The following LRRC28 variants were observed in gnomAD, a reference collection of about 807,000 sequenced individuals.
The protein encoded by LRRC28 is leucine-rich repeat-containing protein 28.
LRRC28 carries 39 observed loss-of-function variants against 45.7 expected under a neutral mutation model. That is an observed-to-expected ratio of 0.85 (90% CI 0.66 to 1.12). LRRC28 has a LOEUF of 1.12. Among genes scored for constraint, LRRC28 ranks in the 50% most tolerant of loss-of-function variants. The pLI, the probability that LRRC28 is intolerant of heterozygous loss-of-function variation, is 0.00. For synonymous variants in LRRC28, 206 were observed against 178.8 expected, an observed-to-expected ratio of 1.15 and a Z score of -1.22; for missense variants, 435 against 438.5, an observed-to-expected ratio of 0.99 and a Z score of 0.07.
intron 2 of LRRC28, chr15:99,258,594 G>T: frequency 5.3e-6 from 4 of 753,818 alleles, no homozygotes; most frequent in Non-Finnish European, 9.6e-6. Context: ...GACTAAAAAA[G>T]TTGAAAAAAC....
rs1194523714 is a variant in LRRC28, at chr15:99,386,752, A to G, written c.*650A>G. 6.6e-6 allele frequency: 1 copy of G among 152,252 alleles called. No individual in the cohort carries two copies. The highest frequency in any genetic ancestry group is 1.9e-4 in the East Asian group (1 of 5,204). The allele number at this position is 152,252 out of a possible 1,614,324, so 9.4% of individuals were successfully genotyped here. A position where few individuals can be genotyped will look rare whatever the true frequency, so the allele number is the denominator to read the frequency against. Reference sequence around the variant, plus strand: ...ACTTTTGTGAGGGATTTTAAAAACAAAAATGTAGATTGTAATGAAATACAC... The same window carrying G: ...ACTTTTGTGAGGGATTTTAAAAACAGAAATGTAGATTGTAATGAAATACAC... On this transcript the variant is annotated 3_prime_UTR_variant, in exon 10 of 10. Coordinates refer to ENST00000301981, the MANE Select transcript of LRRC28 (RefSeq NM_144598.5).
intron 5 of LRRC28, among the ~76,000 whole-genome samples, chr15:99,333,314 G>C (rs1358404831): frequency 6.6e-6 from 1 of 152,170 alleles, no homozygotes; most frequent in East Asian, 1.9e-4. Context: ...AGTCTTTATA[G>C]GGTATGTATA....
At chr15:99,354,034 T>G (rs1337351924) in intron 7 of LRRC28, 2 of 152,206 alleles carry the variant, frequency 1.3e-5, no homozygotes, top group Non-Finnish European at 2.9e-5. Context: ...TAAACTTTTG[T>G]TATAGTAATA....
intron 5 of LRRC28, among the ~76,000 whole-genome samples, chr15:99,293,952 T>G (rs765269718): frequency 6.6e-6 from 1 of 152,226 alleles, no homozygotes; most frequent in Non-Finnish European, 1.5e-5. Context: ...TCTCTGGAAA[T>G]AAAATTCTGG....
intron 9 of LRRC28, among the ~76,000 whole-genome samples, chr15:99,379,988 G>C (rs1957767868): frequency 6.6e-6 from 1 of 152,240 alleles, no homozygotes; most frequent in Non-Finnish European, 1.5e-5. Flanking sequence ...GAATAAGTGT[G>C]ATGTGGTGCT....
At chr15:99,352,652 C>G (rs1349620269) in intron 7 of LRRC28, 181 bp downstream of exon 7, 2 of 521,614 alleles carry the variant, frequency 3.8e-6, no homozygotes, top group African/African-American at 2.0e-5. Context: ...ATTTTCTAGT[C>G]TAAAGAAAAA....
At chr15:99,280,532 T>C (rs1482981196) in intron 3 of LRRC28, among the ~76,000 whole-genome samples, 1 of 152,076 alleles carries the variant, frequency 6.6e-6, no homozygotes, top group Non-Finnish European at 1.5e-5. Context: ...GTTCATGATA[T>C]TCATTATTCC....
chr15:99,302,279 G>C (rs1239570869), intron 5 of LRRC28, among the ~76,000 whole-genome samples: 1 of 152,040 alleles, frequency 6.6e-6, no homozygotes, highest in Non-Finnish European at 1.5e-5. Context: ...TGCCCGCCTC[G>C]GCCTCCCAAA....
chr15:99,380,620 T>C (rs757320596), intron 9 of LRRC28, among the ~76,000 whole-genome samples: 3 of 152,236 alleles, frequency 2.0e-5, no homozygotes, highest in Non-Finnish European at 4.4e-5. Flanking sequence ...TGCAGTTTCT[T>C]CCTAGCATCT....
At chr15:99,375,313 A>T (rs769838183) in intron 9 of LRRC28, among the ~76,000 whole-genome samples, 1 of 152,080 alleles carries the variant, frequency 6.6e-6, no homozygotes, top group African/African-American at 2.4e-5. Context: ...ACACTCCTGG[A>T]ATAACTCCCA....
chr15:99,307,548 A>AT (rs1324904319), intron 5 of LRRC28, among the ~76,000 whole-genome samples: 3 of 152,226 alleles, frequency 2.0e-5, no homozygotes, highest in Non-Finnish European at 4.4e-5. Flanking sequence ...CCGTTCATTC[A>AT]TTTTTTAAAA....
chr15:99,262,534 A>G (rs79056144), intron 2 of LRRC28, among the ~76,000 whole-genome samples: 3,982 of 152,290 alleles, frequency 0.026, 182 homozygotes, highest in African/African-American at 0.09. Context: ...GTGAGCTGCA[A>G]TTGTGCCACT....
intron 9 of LRRC28, among the ~76,000 whole-genome samples, chr15:99,371,530 A>G (rs1957483750): frequency 1.3e-5 from 2 of 152,176 alleles, no homozygotes; most frequent in African/African-American, 4.8e-5. Flanking sequence ...AAGCTCTTTT[A>G]TATAATTCTT....
At chr15:99,285,390 T>A (rs1171490407) in intron 3 of LRRC28, 1 of 744,644 alleles carries the variant, frequency 1.3e-6, no homozygotes, top group South Asian at 1.4e-5. Flanking sequence ...TCCTCCGCAG[T>A]GGTATAGTGA....
At chr15:99,324,433 T>C (rs1955902255) in intron 5 of LRRC28, among the ~76,000 whole-genome samples, 1 of 152,152 alleles carries the variant, frequency 6.6e-6, no homozygotes, top group African/African-American at 2.4e-5. Context: ...GAGCTATTTT[T>C]AGTGGTACCG....
intron 7 of LRRC28, chr15:99,353,553 T>C (rs1302863392): frequency 6.6e-6 from 1 of 152,250 alleles, no homozygotes; most frequent in Non-Finnish European, 1.5e-5. Context: ...ATAGGTGTTT[T>C]TAGCTCAGTG....
intron 5 of LRRC28, among the ~76,000 whole-genome samples, chr15:99,303,458 T>A (rs1209919892): frequency 1.3e-5 from 2 of 152,190 alleles, no homozygotes; most frequent in Non-Finnish European, 2.9e-5. Context: ...AAGCTTTTAT[T>A]TAACTTATTA....
At chr15:99,329,960 T>C (rs1956107578) in intron 5 of LRRC28, among the ~76,000 whole-genome samples, 1 of 152,218 alleles carries the variant, frequency 6.6e-6, no homozygotes, top group East Asian at 1.9e-4. Context: ...GTGTTTATGC[T>C]TGCAAAAAAT....
chr15:99,314,816 G>A (rs1162660409), intron 5 of LRRC28, among the ~76,000 whole-genome samples: 5 of 152,144 alleles, frequency 3.3e-5, no homozygotes, highest in Non-Finnish European at 5.9e-5. Flanking sequence ...ATTATTCTTA[G>A]TGCAAGCATA....
Sources: gnomAD v4.1 joint callset for allele counts (sites outside exome capture counted in the v4.1 genomes callset) on GRCh38, gnomAD v4.1.1 for gene constraint, MANE v1.5 for transcripts, NCBI Gene and HGNC (gene_info 2026-07-23, HGNC 2026-07-21) for gene names.